COL8A2: variants seen among roughly 807,000 people sequenced by gnomAD.
COL8A2 encodes the protein collagen alpha-2(VIII) chain.
COL8A2 carries 16 observed loss-of-function variants against 24.0 expected under a neutral mutation model. That is an observed-to-expected ratio of 0.67 (90% confidence interval 0.45 to 1.01). The LOEUF (loss-of-function observed/expected upper bound fraction) is 1.01, where lower values mean the gene tolerates loss of function less well. COL8A2 is among the 50% of genes least tolerant of loss of function. COL8A2 has a pLI of 0.00. For synonymous variants in COL8A2, 466 were observed against 424.5 expected (o/e 1.10, Z -1.20); for missense variants, 818 against 942.4 (o/e 0.87, Z 1.73).
intron 2 of COL8A2, among the ~76,000 whole-genome samples, chr1:36,112,610 C>T (rs181235732): frequency 3.5e-4 from 53 of 152,270 alleles, no homozygotes; most frequent in Non-Finnish European, 6.3e-4. Context: ...GCACCTGGCA[C>T]ACCCCCGTCA....
In COL8A2 at chr1:36,097,715, G is replaced by A; in HGVS notation, c.1966C>T (p.Leu656=). 1 of 1,613,000 alleles carries A rather than the reference G, an allele frequency of 6.2e-7. No individual in the cohort carries two copies. The highest frequency in any genetic ancestry group is 8.5e-7 in the Non-Finnish European group (1 of 1,179,682). The change falls in exon 4 of 4, where the codon CTG becomes TTG. Residue 656 remains leucine, a synonymous_variant. Coordinates refer to ENST00000397799, the MANE Select transcript of COL8A2 (RefSeq NM_005202.4). ...ACGGCCCCACCAGATGCCTGGTCCA[G>A]GTAGCCCTTCTTGTACTCATCGTAG... The part of the protein sequence containing the change: ...YTYDEYKKGY[L]DQASGGAVLQ...
At chr1:36,122,441 C>T (rs746632396) in intron 1 of COL8A2, among the ~76,000 whole-genome samples, 8 of 152,170 alleles carry the variant, frequency 5.3e-5, no homozygotes, top group Non-Finnish European at 1.2e-4. Context: ...TACTTGGGCA[C>T]ATGTGTGTCC....
intron 2 of COL8A2, among the ~76,000 whole-genome samples, chr1:36,103,495 G>A (rs190200342): frequency 1.8e-4 from 27 of 151,742 alleles, no homozygotes; most frequent in Admixed American, 1.1e-3. Flanking sequence ...GGATGGTCTC[G>A]ATCTCCTGAC....
Position 36,099,348 on chromosome 1 carries a change from A to G in COL8A2, c.333T>C (p.Pro111=). 6.3e-7 allele frequency: 1 copy of G among 1,582,094 alleles called. No homozygotes were observed. The highest frequency in any genetic ancestry group is 1.1e-5 in the South Asian group (1 of 86,964). Residue 111 remains proline (P), a synonymous_variant, in exon 4 of 4, where the codon CCT becomes CCC. Transcript: ENST00000397799. ...GMGKPGLHGQ[P]GPAGPPGFSR... is the part of the protein sequence containing the mutation. The stretch of plus-strand genomic sequence containing the variant: ...AGAAGCCAGGGGGCCCAGCAGGGCC[A>G]GGCTGCCCATGGAGTCCTGGCTTTC...
chr1:36,124,585 T>C (rs904066391), intron 1 of COL8A2, among the ~76,000 whole-genome samples: 12 of 151,844 alleles, frequency 7.9e-5, no homozygotes, highest in Non-Finnish European at 1.6e-4. Flanking sequence ...AAAAACCTTA[T>C]AACTGGAAGG....
chr1:36,122,884 A>C (rs932825210), intron 1 of COL8A2, among the ~76,000 whole-genome samples: 1 of 151,968 alleles, frequency 6.6e-6, no homozygotes, highest in Non-Finnish European at 1.5e-5. Flanking sequence ...AGTGTGATCC[A>C]ACAGTGCCCA....
chr1:36,120,241 G>C (rs1643900769), intron 1 of COL8A2, among the ~76,000 whole-genome samples: 1 of 152,106 alleles, frequency 6.6e-6, no homozygotes, highest in African/African-American at 2.4e-5. Flanking sequence ...ATCACTTGAG[G>C]TCAGGAGTTC....
At position 36,114,648 on chromosome 1, in the gene COL8A2, T is replaced by C. The variant is rs558015115; in HGVS notation, c.-17+1060A>G. On this transcript the variant is annotated intron_variant, in intron 2 of 3. Coordinates refer to ENST00000397799, the MANE Select transcript of COL8A2 (RefSeq NM_005202.4). Reference sequence around the variant, plus strand: ...TGCCTCCCTCAGGCAGAACAGCTCCTTCTGGGCACCCACCTGCATGAAAGC... The same window carrying C: ...TGCCTCCCTCAGGCAGAACAGCTCCCTCTGGGCACCCACCTGCATGAAAGC... Among the ~76,000 whole-genome samples the C allele has an allele frequency of 5.9e-5, 9 of 152,316 alleles. No homozygotes were observed. In the East Asian group the frequency reaches 1.7e-3, roughly 29 times the overall value.
chr1:36,116,976 C>A (rs1384843849), intron 1 of COL8A2, among the ~76,000 whole-genome samples: 1 of 152,210 alleles, frequency 6.6e-6, no homozygotes, highest in African/African-American at 2.4e-5. Context: ...CGCAGAGGAT[C>A]CAGAGCTAAA....
chr1:36,108,281 G>T (rs1643789748), intron 2 of COL8A2, among the ~76,000 whole-genome samples: 1 of 152,198 alleles, frequency 6.6e-6, no homozygotes, highest in Non-Finnish European at 1.5e-5. Flanking sequence ...CACTTCATCT[G>T]TGTGTTCCTT....
intron 1 of COL8A2, among the ~76,000 whole-genome samples, chr1:36,116,062 A>AC (rs1347566162): frequency 2.0e-5 from 3 of 151,510 alleles, no homozygotes; most frequent in Non-Finnish European, 4.4e-5. Context: ...CTGTCTCAAA[A>AC]AAAAAAAAAA....
chr1:36,109,714 C>T (rs2124094230), intron 2 of COL8A2, among the ~76,000 whole-genome samples: 1 of 151,614 alleles, frequency 6.6e-6, no homozygotes, highest in East Asian at 2.0e-4. Context: ...GGACTACAGG[C>T]ACACACCACC....
Position 36,115,118 on chromosome 1 carries a change from G to A in COL8A2, c.-17+590C>T, listed in dbSNP as rs970033431. Among the ~76,000 whole-genome samples the A allele has an allele frequency of 2.0e-5, 3 of 152,092 alleles. No individual in the cohort carries two copies. The highest frequency in any genetic ancestry group is 2.9e-5 in the Non-Finnish European group (2 of 68,006). On this transcript the variant is annotated intron_variant, in intron 2 of 3. Transcript: ENST00000397799. This position sits in a 1 kb window ranked among gnomAD's most constrained non-coding sequence, Gnocchi z 5.7. ...TGGCCCTTCCCCACCCAGGGGCTCC[G>A]GCCTCAGCTGGGGCCGTCGCTTGCC...
intron 2 of COL8A2, among the ~76,000 whole-genome samples, chr1:36,110,540 A>C (rs553644724): frequency 3.3e-4 from 49 of 148,984 alleles, no homozygotes; most frequent in Admixed American, 1.1e-3. Flanking sequence ...CCCAAGCTGG[A>C]GTGCAGTGAT....
At chr1:36,103,784 A>G (rs947077585) in intron 2 of COL8A2, among the ~76,000 whole-genome samples, 2 of 151,598 alleles carry the variant, frequency 1.3e-5, no homozygotes. Context: ...AGGGTTCACC[A>G]TGTAGGCCAG....
intron 2 of COL8A2, among the ~76,000 whole-genome samples, chr1:36,105,796 A>G (rs1050636714): frequency 2.6e-5 from 4 of 151,828 alleles, no homozygotes; most frequent in Non-Finnish European, 5.9e-5. Flanking sequence ...AAAAAATTAA[A>G]AAGTTAGCCA....
chr1:36,098,186 C>A lies in COL8A2; in HGVS notation c.1495G>T (p.Glu499Ter). The change falls in exon 4 of 4, where the codon GAA becomes TAA. Residue 499 changes from glutamate to a stop codon, truncating the protein, a stop_gained. Coordinates refer to ENST00000397799, the MANE Select transcript of COL8A2 (RefSeq NM_005202.4). LOFTEE classifies it high-confidence loss of function. ...PGPPGEGRAG[E>*]PGTAGPTGPP... ...CCCGTGGGCCCAGCCGTGCCAGGTT[C>A]CCCTGCTCTCCCCTCTCCAGGGGGC... 1 of 1,530,462 alleles carries A rather than the reference C, an allele frequency of 6.5e-7. No individual in the cohort carries two copies. The highest frequency in any genetic ancestry group is 8.8e-7 in the Non-Finnish European group (1 of 1,139,758). The allele number at this position is 1,530,462 out of a possible 1,614,324, so 94.8% of individuals were successfully genotyped here.
At chr1:36,121,597 ACTTG>A (rs1643914857) in intron 1 of COL8A2, among the ~76,000 whole-genome samples, 1 of 149,478 alleles carries the variant, frequency 6.7e-6, no homozygotes, top group Admixed American at 6.7e-5. Flanking sequence ...AATCCCAGGT[ACTTG>A]GGAGGCTGAG....
Position 36,099,090 on chromosome 1 carries a change from C to A in COL8A2, c.591G>T (p.Gly197=), listed in dbSNP as rs532118186. Residue 197 remains glycine (G), a synonymous_variant, in exon 4 of 4, where the codon GGG becomes GGT. Coordinates refer to ENST00000397799, the MANE Select transcript of COL8A2 (RefSeq NM_005202.4). The stretch of plus-strand genomic sequence containing the variant: ...CCTTGAGGCCTCGATCACCTGGGGG[C>A]CCAGGCTCCCCCTGGGGCCCTGGTT... The part of the protein sequence containing the change: ...QGEPGPQGEP[G]PPGDRGLKGD... 3.8e-5 allele frequency: 58 copies of A among 1,508,168 alleles called. No homozygotes were observed. In the East Asian group the frequency reaches 8.1e-4, roughly 21 times the overall value. The allele number at this position is 1,508,168 out of a possible 1,614,324, so 93.4% of individuals were successfully genotyped here. A position where few individuals can be genotyped will look rare whatever the true frequency, so the allele number is the denominator to read the frequency against.
Sources: gnomAD v4.1 joint callset for allele counts (sites outside exome capture counted in the v4.1 genomes callset) on GRCh38, gnomAD v4.1.1 for gene constraint, Gnocchi (gnomAD v3.1) non-coding constraint, MANE v1.5 for transcripts, NCBI Gene and HGNC (gene_info 2026-07-23, HGNC 2026-07-21) for gene names.